Variants in VWA2 observed in about 807,000 individuals in gnomAD.
VWA2 encodes the protein von Willebrand factor A domain containing 2, also known as von Willebrand factor A domain-containing protein 2.
A neutral mutation model predicts 70.4 loss-of-function variants in VWA2; 73 were observed. The observed-to-expected ratio is 1.04, with a 90% CI of 0.86 to 1.26. VWA2 has a LOEUF of 1.26. Ranked by LOEUF, VWA2 falls within the 50% of genes most tolerant of loss-of-function variation. VWA2 has a pLI of 0.00. For synonymous variants in VWA2, 407 were observed against 423.3 expected, an observed-to-expected ratio of 0.96 and a Z score of 0.47; for missense variants, 1,011 against 998.5, an observed-to-expected ratio of 1.01 and a Z score of -0.17.
chr10:114,270,416 C>T (rs1015988515), intron 5 of VWA2, among the ~76,000 whole-genome samples: 1 of 152,310 alleles, frequency 6.6e-6, no homozygotes, highest in South Asian at 2.1e-4. Context: ...TTGAGCACAG[C>T]GTCTGGCACA....
chr10:114,259,669 C>T lies in VWA2; in HGVS notation c.262-1517C>T, dbSNP rs987631264. Among the ~76,000 whole-genome samples the T allele has an allele frequency of 3.3e-5, 5 of 152,230 alleles. No individual in the cohort carries two copies. The South Asian group carries it at 1.0e-3, about 32-fold the overall frequency. On this transcript the variant is annotated intron_variant, in intron 4 of 13. Coordinates refer to ENST00000392982, the MANE Select transcript of VWA2 (RefSeq NM_001272046.2). ...TTTATCCTTTATTTTTGGTAGATTG[C>T]TCTCCAGTTGTCCCAATATCATTGA... is the stretch of plus-strand genomic sequence containing the variant.
chr10:114,254,126 C>T (rs529226308), intron 3 of VWA2, among the ~76,000 whole-genome samples: 98 of 151,904 alleles, frequency 6.5e-4, no homozygotes, highest in African/African-American at 2.2e-3. Context: ...GGCTGGAGTG[C>T]GATGGCATAA....
chr10:114,290,454 T>C lies in VWA2; in HGVS notation c.2248+89T>C, dbSNP rs1194424908. 12 of 1,509,388 alleles carry C rather than the reference T, an allele frequency of 8.0e-6. 1 individual carries two copies. The East Asian group carries it at 3.0e-4, about 37-fold the overall frequency. 93.5% of individuals were successfully genotyped at this position (1,509,388 alleles called of 1,614,324 possible). On this transcript the variant is annotated intron_variant, in intron 13 of 13. Coordinates refer to ENST00000392982, the MANE Select transcript of VWA2 (RefSeq NM_001272046.2). ...CACAAACTCAGCTGAAGGCAGGTTC[T>C]AAAACATTCGTTCAGTGGAAGAAAT...
intron 5 of VWA2, among the ~76,000 whole-genome samples, chr10:114,268,195 T>C (rs2037615949): frequency 6.6e-6 from 1 of 152,036 alleles, no homozygotes; most frequent in Non-Finnish European, 1.5e-5. Flanking sequence ...ATGTTCTTAA[T>C]TACCTGTCTG....
chr10:114,288,970 A>T lies in VWA2; in HGVS notation c.1603A>T (p.Met535Leu). The T allele has an allele frequency of 2.5e-6, 4 of 1,613,350 alleles. No individual in the cohort carries two copies. The highest frequency in any genetic ancestry group is 3.4e-6 in the Non-Finnish European group (4 of 1,179,530). ...GACACAAGCCCTGGACCTCGTCTTCATGTTGGACACCTCTGCCTCAGTAGG... is the reference window on the plus strand; with the variant it reads ...GACACAAGCCCTGGACCTCGTCTTCTTGTTGGACACCTCTGCCTCAGTAGG... ...CRTQALDLVFMLDTSASVGPE... is the reference protein window; with the variant it reads ...CRTQALDLVFLLDTSASVGPE... Residue 535 changes from methionine to leucine, a missense_variant, in exon 12 of 14, where the codon ATG becomes TTG. Met to Leu is a conservative substitution (Grantham distance 15, BLOSUM62 2). Coordinates refer to ENST00000392982, the MANE Select transcript of VWA2 (RefSeq NM_001272046.2).
rs774659839 is a variant in VWA2, at chr10:114,261,290, T to G, written c.366T>G (p.Val122=). 22 of 1,613,442 alleles carry G rather than the reference T, an allele frequency of 1.4e-5. 1 individual carries two copies. Among genetic ancestry groups the G allele is most frequent in the Non-Finnish European group, 1.9e-5 (22 of 1,179,484 alleles). ...QEVKARIKRM[V]FKGGRTETEL... ...TGAAGGCAAGAATCAAGAGGATGGT[T>G]TTCAAGTATGTATGATCAGATACTG... Residue 122 remains valine, a synonymous_variant, in exon 5 of 14, where the codon GTT becomes GTG. Coordinates refer to ENST00000392982, the MANE Select transcript of VWA2 (RefSeq NM_001272046.2).
At chr10:114,249,649 T>C (rs944417516) in intron 2 of VWA2, among the ~76,000 whole-genome samples, 6 of 152,190 alleles carry the variant, frequency 3.9e-5, no homozygotes, top group African/African-American at 1.2e-4. Context: ...TCCACCCATG[T>C]CCCTGCAAAG....
At chr10:114,270,918 C>T (rs572734597) in intron 5 of VWA2, among the ~76,000 whole-genome samples, 1 of 152,292 alleles carries the variant, frequency 6.6e-6, no homozygotes, top group Admixed American at 6.5e-5. Context: ...TGTGTCTTTG[C>T]TTTAACCCCT....
In VWA2 at chr10:114,255,148, C is replaced by G. The variant is rs2037296595; in HGVS notation, c.261+100C>G. The G allele has an allele frequency of 6.1e-6, 9 of 1,467,334 alleles. No individual in the cohort carries two copies. The South Asian group carries it at 1.0e-4, about 17-fold the overall frequency. 90.9% of individuals were successfully genotyped at this position (1,467,334 alleles called of 1,614,324 possible). On this transcript the variant is annotated intron_variant, in intron 4 of 13. Transcript: ENST00000392982. ...AGGAGGCATCTACTCGCTTGTGGAG[C>G]TGGGAAGACCAAGGGGCTGAATCCT...
At chr10:114,263,328 A>ATTTTTTTTTTTTTTTTTTTTTTTT (rs35723083) in intron 5 of VWA2, among the ~76,000 whole-genome samples, 3 of 76,144 alleles carry the variant, frequency 3.9e-5, no homozygotes, top group Non-Finnish European at 4.7e-5. Context: ...AATCTCCCCC[A>ATTTTTTTTTTTTTTTTTTTTTTTT]TTTTTTTTTT....
chr10:114,276,918 G>A (rs1312665269), intron 6 of VWA2, among the ~76,000 whole-genome samples: 1 of 152,058 alleles, frequency 6.6e-6, no homozygotes, highest in African/African-American at 2.4e-5. Flanking sequence ...AGGGCTGGGG[G>A]GCTCCAGGGC....
chr10:114,264,480 C>G (rs959195634), intron 5 of VWA2, among the ~76,000 whole-genome samples: 3 of 151,718 alleles, frequency 2.0e-5, no homozygotes, highest in Middle Eastern at 3.4e-3. Flanking sequence ...TGCGGTGGTG[C>G]TATCTCGGCT....
At chr10:114,289,513 C>T in intron 12 of VWA2, 24 bp downstream of exon 12, 21 of 1,611,710 alleles carry the variant, frequency 1.3e-5, no homozygotes, top group Non-Finnish European at 1.8e-5. Flanking sequence ...TCCACACCCT[C>T]AGGGCTGCCC....
chr10:114,282,126 C>T (rs2133430305), intron 8 of VWA2, among the ~76,000 whole-genome samples: 1 of 150,446 alleles, frequency 6.6e-6, no homozygotes, highest in East Asian at 2.0e-4. Context: ...TCTGCCTCAG[C>T]CTGCTAAGCT....
chr10:114,289,984 T>G, intron 12 of VWA2: 1 of 247,784 alleles, frequency 4.0e-6, no homozygotes. Context: ...AAGAGCAAGA[T>G]TCTGCCTCAA....
chr10:114,275,513 C>T (rs2037818281), intron 6 of VWA2, among the ~76,000 whole-genome samples: 1 of 152,222 alleles, frequency 6.6e-6, no homozygotes, highest in African/African-American at 2.4e-5. Context: ...TCCCTGTCTC[C>T]TTCCAGTGCT....
Position 114,255,327 on chromosome 10 carries a change from C to T in VWA2, c.261+279C>T, listed in dbSNP as rs2037302494. 2.0e-5 allele frequency among the ~76,000 whole-genome samples: 3 copies of T among 151,950 alleles called. No homozygotes were observed. In the South Asian group the frequency reaches 6.2e-4, roughly 32 times the overall value. On this transcript the variant is annotated intron_variant, in intron 4 of 13. Coordinates refer to ENST00000392982, the MANE Select transcript of VWA2 (RefSeq NM_001272046.2). ...ACAGCCAAGTTGTCCTGCATTGTTC[C>T]TCAAGCTAGTGACCCTATTAGAAAT...
At chr10:114,271,893 G>T (rs563480800) in intron 5 of VWA2, among the ~76,000 whole-genome samples, 2 of 152,276 alleles carry the variant, frequency 1.3e-5, no homozygotes, top group Admixed American at 6.5e-5. Flanking sequence ...ATGTTTGGAT[G>T]GGCTACCATC....
intron 4 of VWA2, among the ~76,000 whole-genome samples, chr10:114,256,328 T>G (rs2037326658): frequency 6.6e-6 from 1 of 152,196 alleles, no homozygotes. Flanking sequence ...CCAGAACAAG[T>G]GAAGTGTCAA....
Sources: allele counts gnomAD v4.1 joint callset (sites outside exome capture counted in the v4.1 genomes callset), GRCh38; gene constraint gnomAD v4.1.1; transcripts MANE v1.5; gene names NCBI Gene and HGNC (gene_info 2026-07-23, HGNC 2026-07-21).